The following ZNF611 variants were observed in gnomAD, a reference collection of about 807,000 sequenced individuals.
ZNF611 encodes zinc finger protein 611.
Under a neutral mutation model 8.9 loss-of-function variants are expected in ZNF611, and 6 were observed. The ratio of observed to expected loss-of-function variants is 0.68; its 90% confidence interval spans 0.37 to 1.34. The LOEUF (loss-of-function observed/expected upper bound fraction) is 1.34, where lower values mean the gene tolerates loss of function less well. Among genes scored for constraint, ZNF611 ranks in the 40% most tolerant of loss-of-function variants. ZNF611 has a pLI of 0.02. For synonymous variants in ZNF611, 262 were observed against 279.7 expected (o/e 0.94, Z 0.63); for missense variants, 874 against 841.3 (o/e 1.04, Z -0.48).
chr19:52,715,750 C>T, intron 4 of ZNF611, 82 bp downstream of exon 4: 2 of 1,587,086 alleles, frequency 1.3e-6, no homozygotes, highest in South Asian at 1.1e-5. Flanking sequence ...ATGCTTCAGA[C>T]TCAGAAAAGA....
intron 5 of ZNF611, among the ~76,000 whole-genome samples, chr19:52,711,056 G>A (rs914636311): frequency 1.3e-5 from 2 of 151,358 alleles, no homozygotes; most frequent in African/African-American, 4.8e-5. Context: ...AAAAGGCCAG[G>A]CACAGTGGCT....
At chr19:52,713,869 C>A in intron 5 of ZNF611, 146 bp downstream of exon 5, 1 of 1,481,328 alleles carries the variant, frequency 6.8e-7, no homozygotes, top group Non-Finnish European at 9.0e-7. Flanking sequence ...CCAGCCTCGG[C>A]AATAGGAGCG....
In ZNF611 at chr19:52,719,683, C is replaced by T. The variant is rs567310594; in HGVS notation, c.-19-3770G>A. Among the ~76,000 whole-genome samples, 206 of 152,342 alleles carry T rather than the reference C, an allele frequency of 1.4e-3. 2 individuals carry two copies. In the Middle Eastern group the frequency reaches 0.02, roughly 15 times the overall value. ...TACATAGCTCTTTCTCACCTTCTCT[C>T]TCCATCTGTTTCTTTTCTGCATTTC... On this transcript the variant is annotated intron_variant, in intron 3 of 5. Transcript: ENST00000652185.
In ZNF611 at chr19:52,705,362, G is replaced by C. The variant is rs1173603227; in HGVS notation, c.1693C>G (p.Pro565Ala). The C allele has an allele frequency of 2.5e-6, 4 of 1,613,706 alleles. No homozygotes were observed. In the East Asian group the frequency reaches 8.9e-5, roughly 36 times the overall value. Reference sequence around the variant, plus strand: ...TTGCTGCACTCATTACACTTGTAAGGTTTCTCTCCACTATGAATTCTAGTA... The same window carrying C: ...TTGCTGCACTCATTACACTTGTAAGCTTTCTCTCCACTATGAATTCTAGTA... ...KHTRIHSGEK[P>A]YKCNECSKTF... The change falls in exon 6 of 6, where the codon CCT (proline) becomes GCT (alanine). Residue 565 changes from proline to alanine, a missense_variant. Physicochemically the swap from Pro to Ala is conservative, Grantham distance 27 (BLOSUM62 -1). Transcript: ENST00000652185.
chr19:52,706,165 C>G lies in ZNF611; in HGVS notation c.890G>C (p.Ser297Thr). The change falls in exon 6 of 6, where the codon AGT becomes ACT. Residue 297 changes from serine (S) to threonine (T), a missense_variant. Transcript: ENST00000652185. Reference sequence around the variant, plus strand: ...ATGGCAGGTAAGGGATGACTCCTGACTGAAGGTCTTGCCACACTCTTTACA... The same window carrying G: ...ATGGCAGGTAAGGGATGACTCCTGAGTGAAGGTCTTGCCACACTCTTTACA... ...YKCKECGKTF[S>T]QESSLTCHRR... 8 of 1,614,114 alleles carry G rather than the reference C, an allele frequency of 5.0e-6. No homozygotes were observed. Among genetic ancestry groups the G allele is most frequent in the Non-Finnish European group, 5.9e-6 (7 of 1,179,956 alleles).
At chr19:52,714,884 G>A (rs1334437690) in intron 4 of ZNF611, among the ~76,000 whole-genome samples, 1 of 151,736 alleles carries the variant, frequency 6.6e-6, no homozygotes, top group Non-Finnish European at 1.5e-5. Flanking sequence ...TGTACTCCCA[G>A]ATACTCAAGA....
Position 52,706,774 on chromosome 19 carries a change from T to G in ZNF611, c.281A>C (p.Glu94Ala). Reference protein sequence around the residue: ...VIHTGTLQRHESHHIGDFCFQ... With the variant: ...VIHTGTLQRHASHHIGDFCFQ... ...GCAAAAATCTCCAATGTGATGACTT[T>G]CATGTCTTTGCAATGTCCCTGTGTG... Residue 94 changes from glutamate to alanine, a missense_variant, in exon 6 of 6, where the codon GAA (glutamate) becomes GCA (alanine). Glu to Ala is a moderately radical substitution (Grantham distance 107, BLOSUM62 -1). Transcript: ENST00000652185. The G allele has an allele frequency of 3.7e-6, 6 of 1,614,158 alleles. No homozygotes were observed. The highest frequency in any genetic ancestry group is 5.1e-6 in the Non-Finnish European group (6 of 1,180,016).
At chr19:52,729,732 G>A (rs2062414160) in intron 2 of ZNF611, 174 bp downstream of exon 2, 2 of 151,976 alleles carry the variant, frequency 1.3e-5, no homozygotes, top group South Asian at 2.1e-4. Flanking sequence ...AAGCAAATAA[G>A]TACATTTATA....
chr19:52,710,254 A>G (rs2147421463), intron 5 of ZNF611, among the ~76,000 whole-genome samples: 1 of 148,036 alleles, frequency 6.8e-6, no homozygotes, highest in African/African-American at 2.5e-5. Flanking sequence ...TTTGGGAAAC[A>G]GAATCTAACT....
chr19:52,707,187 A>G (rs1025886290), intron 5 of ZNF611, among the ~76,000 whole-genome samples: 1 of 151,702 alleles, frequency 6.6e-6, no homozygotes, highest in Admixed American at 6.6e-5. Context: ...TCACCATCAC[A>G]TCGGTGAAGA....
Position 52,714,058 on chromosome 19 carries a change from G to A in ZNF611, c.147C>T (p.Tyr49=), listed in dbSNP as rs2062298521. ...KCLNPSQRAL[Y]REVMLENYRN... ...TGTAGTTCTCCAACATCACTTCCCT[G>A]TACAAAGCCCTCTGTGAAGGGTTCA... Residue 49 remains tyrosine, a synonymous_variant, in exon 5 of 6, where the codon TAC becomes TAT. Transcript: ENST00000652185. 6.2e-7 allele frequency: 1 copy of A among 1,613,894 alleles called. No homozygotes were observed. Among genetic ancestry groups the A allele is most frequent in the Admixed American group, 1.7e-5 (1 of 59,964 alleles).
At chr19:52,715,946 G>C in intron 3 of ZNF611, 33 bp from the exon 4 acceptor site, 2 of 1,609,282 alleles carry the variant, frequency 1.2e-6, no homozygotes, top group Non-Finnish European at 8.5e-7. Context: ...CTTCATGTTA[G>C]AAATGACTCA....
chr19:52,719,276 CT>C (rs1488157188), intron 3 of ZNF611, among the ~76,000 whole-genome samples: 1 of 152,142 alleles, frequency 6.6e-6, no homozygotes, highest in Non-Finnish European at 1.5e-5. Context: ...AACAAAAGCA[CT>C]TTTAATACTC....
chr19:52,717,396 A>T (rs1167276677), intron 3 of ZNF611, among the ~76,000 whole-genome samples: 1 of 152,214 alleles, frequency 6.6e-6, no homozygotes, highest in Non-Finnish European at 1.5e-5. Flanking sequence ...GCTGAGGGGA[A>T]GAGAGTCCTA....
At chr19:52,727,117 T>C (rs1458794023) in intron 3 of ZNF611, among the ~76,000 whole-genome samples, 2 of 151,836 alleles carry the variant, frequency 1.3e-5, no homozygotes, top group East Asian at 2.0e-4. Flanking sequence ...CCGCCTGCCT[T>C]GGCCTCCCAA....
At chr19:52,722,400 T>C (rs965436390) in intron 3 of ZNF611, among the ~76,000 whole-genome samples, 1 of 151,940 alleles carries the variant, frequency 6.6e-6, no homozygotes, top group Non-Finnish European at 1.5e-5. Context: ...AATTAATTAA[T>C]TAATTAATTA....
chr19:52,706,456 G>C lies in ZNF611; in HGVS notation c.599C>G (p.Pro200Arg). ...ATAGTTATTAGAAATCTGGGTTTGG[G>C]GCCTACAGGAAATTCTTTGGAATGT... ...VSTFQRISCR[P>R]QTQISNNYGN... Residue 200 changes from proline (P) to arginine (R), a missense_variant, in exon 6 of 6, where the codon CCC (proline) becomes CGC (arginine). Pro to Arg is a moderately radical substitution (Grantham distance 103). Transcript: ENST00000652185. 6.2e-7 allele frequency: 1 copy of C among 1,614,064 alleles called. No individual in the cohort carries two copies. The highest frequency in any genetic ancestry group is 8.5e-7 in the Non-Finnish European group (1 of 1,180,014).
At chr19:52,711,408 T>G (rs1326333957) in intron 5 of ZNF611, 2 of 151,664 alleles carry the variant, frequency 1.3e-5, no homozygotes, top group Admixed American at 6.6e-5. Flanking sequence ...TCTCAAATAA[T>G]GACAGCAGGC....
intron 3 of ZNF611, among the ~76,000 whole-genome samples, chr19:52,716,535 C>T (rs1003310878): frequency 1.3e-5 from 2 of 152,112 alleles, no homozygotes; most frequent in African/African-American, 4.8e-5. Context: ...CAGTGGATGA[C>T]AAAGGCACAA....
Sources: gnomAD v4.1 joint callset for allele counts (sites outside exome capture counted in the v4.1 genomes callset) on GRCh38, gnomAD v4.1.1 for gene constraint, MANE v1.5 for transcripts, NCBI Gene and HGNC (gene_info 2026-07-23, HGNC 2026-07-21) for gene names.